ZBTB20: variants seen among roughly 807,000 people sequenced by gnomAD.
ZBTB20 encodes the protein zinc finger and BTB domain-containing protein 20.
In ZBTB20, 9 loss-of-function variants were observed where a neutral mutation model predicts 56.9. That is an observed-to-expected ratio of 0.16 (90% confidence interval 0.10 to 0.28). The LOEUF (loss-of-function observed/expected upper bound fraction) is 0.28, where lower values mean the gene tolerates loss of function less well. Ranked by LOEUF, ZBTB20 falls within the 10% of genes least tolerant of loss-of-function variation. The probability of loss-of-function intolerance (pLI) is 1.00; values close to 1 mark genes in which losing one functional copy is unlikely to be tolerated. For synonymous variants in ZBTB20, 417 were observed against 420.7 expected (o/e 0.99, Z 0.11); for missense variants, 655 against 1,003.0 (o/e 0.65, Z 4.69).
rs1039295730 is a variant in ZBTB20, at chr3:114,326,039, G to A, written c.*12966C>T. The A allele has an allele frequency of 2.0e-5, 3 of 152,006 alleles. No homozygotes were observed. Among genetic ancestry groups the A allele is most frequent in the Non-Finnish European group, 2.9e-5 (2 of 67,994 alleles). 9.4% of individuals were successfully genotyped at this position (152,006 alleles called of 1,614,324 possible). A position where few individuals can be genotyped will look rare whatever the true frequency, so the allele number is the denominator to read the frequency against. ...TGGGGAAGGAGAGAGAAGCAATGGGGAAACAGGTGTTTCTCTACTTAAGAC... is the reference window on the plus strand; with the variant it reads ...TGGGGAAGGAGAGAGAAGCAATGGGAAAACAGGTGTTTCTCTACTTAAGAC... On this transcript the variant is annotated 3_prime_UTR_variant, in exon 12 of 12. Transcript: ENST00000675478.
intron 2 of ZBTB20, among the ~76,000 whole-genome samples, chr3:114,996,786 G>C (rs2079045575): frequency 6.6e-6 from 1 of 151,782 alleles, no homozygotes; most frequent in Non-Finnish European, 1.5e-5. Context: ...CTAGATACAA[G>C]ATAAAAACAA....
intron 6 of ZBTB20, among the ~76,000 whole-genome samples, chr3:114,560,968 A>C (rs1195758015): frequency 6.6e-6 from 1 of 152,204 alleles, no homozygotes; most frequent in Non-Finnish European, 1.5e-5. Context: ...AGTTTATAAA[A>C]CATTCTAAAT....
intron 4 of ZBTB20, among the ~76,000 whole-genome samples, chr3:114,879,944 C>T (rs1027289248): frequency 2.0e-5 from 3 of 152,104 alleles, no homozygotes; most frequent in Admixed American, 6.6e-5. Context: ...GATATATATG[C>T]TCAAAATCCA....
At chr3:114,453,574 A>G (rs1371034190) in intron 7 of ZBTB20, 1 of 152,136 alleles carries the variant, frequency 6.6e-6, no homozygotes, top group Non-Finnish European at 1.5e-5. Context: ...TTTCTTCCAC[A>G]AGATTTTGGC....
rs1224956395 is a variant in ZBTB20 at position 114,319,978 on chromosome 3, C to T, written c.*19027G>A. On this transcript the variant is annotated 3_prime_UTR_variant, in exon 12 of 12. Coordinates refer to ENST00000675478, the MANE Select transcript of ZBTB20 (RefSeq NM_001348800.3). The stretch of plus-strand genomic sequence containing the variant: ...ATGAGGAAGGCTGGGGTTATTTCCT[C>T]CATACTTTCTTCCACATTTAACCTG... 6.6e-6 allele frequency: 1 copy of T among 152,102 alleles called. No individual in the cohort carries two copies. Among genetic ancestry groups the T allele is most frequent in the African/African-American group, 2.4e-5 (1 of 41,422 alleles). The allele number at this position is 152,102 out of a possible 1,614,324, so 9.4% of individuals were successfully genotyped here.
intron 2 of ZBTB20, among the ~76,000 whole-genome samples, chr3:115,018,933 T>C (rs1450347711): frequency 6.6e-6 from 1 of 151,300 alleles, no homozygotes; most frequent in African/African-American, 2.4e-5. Flanking sequence ...TTGGAGAACA[T>C]TTTGTTCTGA....
rs976892499 is a variant in ZBTB20 at position 114,719,392 on chromosome 3, A to C, written c.-342-25817T>G. ...GGACATAGCTAAAAGATCCAACACA[A>C]AGCTAGCTGGAGCGGACTGCCTGCC... On this transcript the variant is annotated intron_variant, in intron 5 of 11. Transcript: ENST00000675478. Among the ~76,000 whole-genome samples the C allele has an allele frequency of 2.6e-5, 4 of 152,200 alleles. 1 individual carries two copies. Among genetic ancestry groups the C allele is most frequent in the African/African-American group, 9.6e-5 (4 of 41,544 alleles).
chr3:115,130,392 A>C (rs566814343), intron 1 of ZBTB20, among the ~76,000 whole-genome samples: 2 of 152,342 alleles, frequency 1.3e-5, no homozygotes, highest in South Asian at 4.1e-4. Context: ...ATAATATTAA[A>C]ATTATTTAAC....
chr3:114,576,796 G>GAGAA (rs1364414188), intron 6 of ZBTB20, among the ~76,000 whole-genome samples: 1 of 151,174 alleles, frequency 6.6e-6, no homozygotes, highest in Non-Finnish European at 1.5e-5. Flanking sequence ...AAAAAAGACA[G>GAGAA]AGAGTGAGAG....
chr3:114,910,103 A>C (rs539532731), intron 3 of ZBTB20, among the ~76,000 whole-genome samples: 1 of 152,116 alleles, frequency 6.6e-6, no homozygotes, highest in South Asian at 2.1e-4. Flanking sequence ...TTGGACATTT[A>C]AGTGATTACT....
chr3:115,071,068 ACT>A (rs1297520628), intron 2 of ZBTB20, among the ~76,000 whole-genome samples, 149 bp downstream of exon 2: 4 of 152,062 alleles, frequency 2.6e-5, no homozygotes, highest in African/African-American at 9.7e-5. Flanking sequence ...ATATAAAGAC[ACT>A]CTGCAAACTA....
chr3:114,912,001 AT>A (rs2075559511), intron 3 of ZBTB20, among the ~76,000 whole-genome samples: 1 of 151,876 alleles, frequency 6.6e-6, no homozygotes, highest in Admixed American at 6.6e-5. Flanking sequence ...ACAAAGAGAG[AT>A]CTTGAAAGTA....
At chr3:114,628,618 A>G (rs759915965) in intron 6 of ZBTB20, among the ~76,000 whole-genome samples, 3 of 152,156 alleles carry the variant, frequency 2.0e-5, no homozygotes, top group East Asian at 1.9e-4. Context: ...TTAGGATGGC[A>G]TACTAATAAG....
intron 3 of ZBTB20, among the ~76,000 whole-genome samples, chr3:114,964,288 G>A (rs370996277): frequency 6.6e-5 from 10 of 152,166 alleles, no homozygotes; most frequent in East Asian, 3.9e-4. Flanking sequence ...GGTGGAGCAC[G>A]CCTGTAATTC....
chr3:114,858,645 T>C (rs2971237), intron 4 of ZBTB20, among the ~76,000 whole-genome samples: 150,413 of 152,192 alleles, frequency 0.99, 74,352 homozygotes, highest in East Asian at 1. Flanking sequence ...GTATTTGAGC[T>C]CCGTGCAGTG....
intron 4 of ZBTB20, among the ~76,000 whole-genome samples, chr3:114,853,249 T>G (rs1215693397): frequency 6.6e-6 from 1 of 152,204 alleles, no homozygotes. Context: ...ACTTTCCTGT[T>G]GCATGTAAGT....
chr3:114,443,742 C>A (rs2091081788), intron 7 of ZBTB20, among the ~76,000 whole-genome samples: 1 of 152,106 alleles, frequency 6.6e-6, no homozygotes, highest in Non-Finnish European at 1.5e-5. Flanking sequence ...ACAATAACAA[C>A]AATGATGAGT....
chr3:114,716,956 T>TAAACA (rs904575186), intron 5 of ZBTB20, among the ~76,000 whole-genome samples: 49 of 151,944 alleles, frequency 3.2e-4, no homozygotes, highest in South Asian at 1.9e-3. Context: ...TCCAGGAGAA[T>TAAACA]AAACAAAACA....
chr3:114,483,476 G>A (rs548342677), intron 7 of ZBTB20, among the ~76,000 whole-genome samples: 63 of 151,954 alleles, frequency 4.1e-4, no homozygotes, highest in Middle Eastern at 6.8e-3. Flanking sequence ...GCAGAAGACA[G>A]ATCATAAGTA....
Sources: gnomAD v4.1 joint callset for allele counts (sites outside exome capture counted in the v4.1 genomes callset) on GRCh38, gnomAD v4.1.1 for gene constraint, MANE v1.5 for transcripts, NCBI Gene and HGNC (gene_info 2026-07-23, HGNC 2026-07-21) for gene names.